Variants in UGGT2 observed in about 807,000 individuals in gnomAD.
The protein encoded by UGGT2 is UDP-glucose:glycoprotein glucosyltransferase 2.
UGGT2 carries 180 observed loss-of-function variants against 192.1 expected under a neutral mutation model. That is an observed-to-expected ratio of 0.94 (90% CI 0.83 to 1.06). The LOEUF (loss-of-function observed/expected upper bound fraction) is 1.06, where lower values mean the gene tolerates loss of function less well. UGGT2 is among the 50% of genes least tolerant of loss of function. UGGT2 has a pLI of 0.00. For missense variants in UGGT2, 1,849 were observed against 1,795.7 expected (o/e 1.03, Z -0.54); for synonymous variants, 580 against 591.0 (o/e 0.98, Z 0.27).
chr13:95,952,603 G>GACTATC (rs2050101066), intron 12 of UGGT2, among the ~76,000 whole-genome samples: 1 of 151,936 alleles, frequency 6.6e-6, no homozygotes, highest in Non-Finnish European at 1.5e-5. Flanking sequence ...TTGAATCCAG[G>GACTATC]CATGTGGAAC....
At chr13:95,803,219 GA>G (rs1884148687) in intron 38 of UGGT2, among the ~76,000 whole-genome samples, 1 of 152,148 alleles carries the variant, frequency 6.6e-6, no homozygotes, top group Non-Finnish European at 1.5e-5. Context: ...CAAAGAGGGA[GA>G]AATAAAGGGT....
At chr13:95,888,049 G>A (rs1484109618) in intron 25 of UGGT2, 78 bp from the exon 26 acceptor site, 5 of 971,162 alleles carry the variant, frequency 5.1e-6, no homozygotes, top group Non-Finnish European at 7.6e-6. Flanking sequence ...CTATGTACCA[G>A]GTACTATATT....
intron 17 of UGGT2, among the ~76,000 whole-genome samples, chr13:95,931,569 A>G (rs924502509): frequency 6.8e-6 from 1 of 146,572 alleles, no homozygotes; most frequent in African/African-American, 2.5e-5. Flanking sequence ...GGTGGGGGGG[A>G]GGCTCAGGCA....
At chr13:95,827,111 C>CCTCT (rs1206846472) in intron 38 of UGGT2, among the ~76,000 whole-genome samples, 2 of 152,110 alleles carry the variant, frequency 1.3e-5, no homozygotes, top group African/African-American at 4.8e-5. Flanking sequence ...CTTCCAGTGT[C>CCTCT]AGGCAACAAT....
At chr13:95,844,826 C>T (rs1197555641) in intron 36 of UGGT2, among the ~76,000 whole-genome samples, 1 of 152,072 alleles carries the variant, frequency 6.6e-6, no homozygotes, top group East Asian at 1.9e-4. Context: ...CAGTACAATA[C>T]TGAATAGGAA....
chr13:95,917,982 G>C (rs903316753), intron 20 of UGGT2, among the ~76,000 whole-genome samples: 1 of 152,086 alleles, frequency 6.6e-6, no homozygotes. Flanking sequence ...AGATCATCGA[G>C]ACAGAAAATT....
At chr13:96,034,502 G>T (rs756487243) in intron 1 of UGGT2, among the ~76,000 whole-genome samples, 4 of 152,206 alleles carry the variant, frequency 2.6e-5, no homozygotes, top group Non-Finnish European at 4.4e-5. Flanking sequence ...TGAAAGAGCT[G>T]TAACATGAAC....
intron 37 of UGGT2, among the ~76,000 whole-genome samples, chr13:95,833,345 C>G (rs998066728): frequency 1.3e-5 from 2 of 152,114 alleles, no homozygotes; most frequent in African/African-American, 4.8e-5. Flanking sequence ...GACAAAAGAT[C>G]TAATTACATT....
At chr13:95,847,916 T>C (rs939051611) in intron 36 of UGGT2, among the ~76,000 whole-genome samples, 3 of 152,246 alleles carry the variant, frequency 2.0e-5, no homozygotes, top group Non-Finnish European at 4.4e-5. Context: ...TTTTGTACTC[T>C]TCTCAGCAAT....
intron 17 of UGGT2, among the ~76,000 whole-genome samples, chr13:95,936,576 C>A (rs1381067713): frequency 6.6e-6 from 1 of 152,224 alleles, no homozygotes; most frequent in Admixed American, 6.5e-5. Flanking sequence ...AGTGGGCAAC[C>A]ACCAGGTGTC....
In UGGT2 at chr13:96,027,686, G is replaced by A. The variant is rs903751613; in HGVS notation, c.242-3927C>T. ...AGGGGACATTTTGGGGGTGGTTGGA[G>A]ACTGGGTTATTTGCTGATTGTGACA... On this transcript the variant is annotated intron_variant, in intron 2 of 38. Transcript: ENST00000376747. Among the ~76,000 whole-genome samples the A allele has an allele frequency of 7.2e-5, 11 of 152,316 alleles. No homozygotes were observed. In the South Asian group the frequency reaches 2.3e-3, roughly 32 times the overall value.
chr13:95,846,919 T>C (rs897975764), intron 36 of UGGT2, among the ~76,000 whole-genome samples: 1 of 152,156 alleles, frequency 6.6e-6, no homozygotes, highest in Non-Finnish European at 1.5e-5. Flanking sequence ...CACATTTCTA[T>C]ATTGGTAATT....
Position 95,900,873 on chromosome 13 carries a change from G to T in UGGT2, c.2568C>A (p.His856Gln), listed in dbSNP as rs1326322699. ...NTVGVNIFRT[H>Q]QLFCQDVLKL... ...TAAGTACATCTTGACAGAACAACTG[G>T]TGAGTTCGAAAAATATTCACTCCAA... is the stretch of plus-strand genomic sequence containing the variant. Residue 856 changes from histidine to glutamine, a missense_variant, in exon 22 of 39, where the codon CAC becomes CAA. His to Gln is a conservative substitution (Grantham distance 24). Transcript: ENST00000376747. The T allele has an allele frequency of 6.2e-7, 1 of 1,611,194 alleles. No individual in the cohort carries two copies. Among genetic ancestry groups the T allele is most frequent in the Admixed American group, 1.7e-5 (1 of 59,428 alleles).
chr13:95,852,237 C>T (rs1485869781), intron 36 of UGGT2, among the ~76,000 whole-genome samples: 3 of 152,082 alleles, frequency 2.0e-5, no homozygotes, highest in South Asian at 2.1e-4. Flanking sequence ...TTACTTTATT[C>T]CCCCCATCTT....
chr13:95,921,858 A>T (rs564017243), intron 20 of UGGT2, among the ~76,000 whole-genome samples: 1 of 152,352 alleles, frequency 6.6e-6, no homozygotes, highest in South Asian at 2.1e-4. Context: ...CACTGTAAAA[A>T]GCAGTTTGGA....
rs369943622 is a variant in UGGT2 at position 96,023,285 on chromosome 13, AC to A, written c.373-134del. The A allele has an allele frequency of 1.1e-3, 743 of 677,194 alleles. 3 individuals carry two copies. In the African/African-American group the frequency reaches 0.011, roughly 10 times the overall value. The allele number at this position is 677,194 out of a possible 1,614,324, so 41.9% of individuals were successfully genotyped here. The stretch of plus-strand genomic sequence containing the variant: ...TTATTGCTCTAATTAAAGTAAAAAA[AC>A]ATCTATACGTAGGTAGAATCTAAGA... On this transcript the variant is annotated intron_variant, in intron 3 of 38. Coordinates refer to ENST00000376747, the MANE Select transcript of UGGT2 (RefSeq NM_020121.4).
chr13:96,001,974 T>A (rs1462408560), intron 5 of UGGT2, among the ~76,000 whole-genome samples: 1 of 152,220 alleles, frequency 6.6e-6, no homozygotes, highest in Non-Finnish European at 1.5e-5. Flanking sequence ...GAATAATACA[T>A]GTGACATGAA....
At chr13:95,890,734 T>C (rs761332841) in intron 25 of UGGT2, 128 bp downstream of exon 25, 5 of 735,714 alleles carry the variant, frequency 6.8e-6, no homozygotes, top group Non-Finnish European at 1.1e-5. Flanking sequence ...TTTTCTACAT[T>C]GAAATATGAC....
chr13:96,009,955 A>G (rs2052104628), intron 5 of UGGT2, among the ~76,000 whole-genome samples: 1 of 152,224 alleles, frequency 6.6e-6, no homozygotes, highest in African/African-American at 2.4e-5. Context: ...ACCATCTTGT[A>G]TCAGTCAGAA....
Sources: allele counts gnomAD v4.1 joint callset (sites outside exome capture counted in the v4.1 genomes callset), GRCh38; gene constraint gnomAD v4.1.1; transcripts MANE v1.5; gene names NCBI Gene and HGNC (gene_info 2026-07-23, HGNC 2026-07-21).